DTNA: variants seen among roughly 807,000 people sequenced by gnomAD.
DTNA encodes dystrobrevin alpha, also known as dystrophin-related protein 3.
DTNA carries 43 observed loss-of-function variants against 100.7 expected under a neutral mutation model. That is an observed-to-expected ratio of 0.43 (90% CI 0.33 to 0.55). The LOEUF (loss-of-function observed/expected upper bound fraction) is 0.55, where lower values mean the gene tolerates loss of function less well. DTNA is among the 20% of genes least tolerant of loss of function. The pLI is 0.04. For missense variants in DTNA, 798 were observed against 953.9 expected, an observed-to-expected ratio of 0.84 and a Z score of 2.15; for synonymous variants, 349 against 347.9, an observed-to-expected ratio of 1.00 and a Z score of -0.04.
At chr18:34,643,716 CT>C (rs2059540100) in intron 1 of DTNA, among the ~76,000 whole-genome samples, 1 of 152,106 alleles carries the variant, frequency 6.6e-6, no homozygotes, top group African/African-American at 2.4e-5. Context: ...TAGAAACTGC[CT>C]TTTTTAAAAG....
intron 13 of DTNA, among the ~76,000 whole-genome samples, chr18:34,841,735 A>T (rs1268381079): frequency 6.6e-6 from 1 of 152,158 alleles, no homozygotes; most frequent in Non-Finnish European, 1.5e-5. Context: ...AGGTCTTATG[A>T]CACTGGTTCC....
intron 1 of DTNA, among the ~76,000 whole-genome samples, chr18:34,606,603 A>G (rs1481377862): frequency 1.3e-5 from 2 of 152,176 alleles, no homozygotes; most frequent in African/African-American, 4.8e-5. Context: ...AGACACATAC[A>G]TATGGTGATA....
At chr18:34,498,913 A>T (rs2039586060) in intron 1 of DTNA, among the ~76,000 whole-genome samples, 2 of 152,262 alleles carry the variant, frequency 1.3e-5, no homozygotes, top group Non-Finnish European at 2.9e-5. Flanking sequence ...TTTTAATTAA[A>T]CATTTTATTT....
In DTNA at chr18:34,890,010, A is replaced by G. The variant is rs966718605; in HGVS notation, c.*2276A>G. 2 of 1,230,120 alleles carry G rather than the reference A, an allele frequency of 1.6e-6. No individual in the cohort carries two copies. The highest frequency in any genetic ancestry group is 1.5e-5 in the African/African-American group (1 of 65,246). 76.2% of individuals were successfully genotyped at this position (1,230,120 alleles called of 1,614,324 possible). ...AGCTACCTATAATGCTGTCAGCTCA[A>G]AATCATAGCCAGGTAGTTCTTGAAC... On this transcript the variant is annotated 3_prime_UTR_variant, in exon 23 of 23. Coordinates refer to ENST00000444659, the MANE Select transcript of DTNA (RefSeq NM_001386795.1).
chr18:34,762,886 G>T (rs1433727141), intron 2 of DTNA, among the ~76,000 whole-genome samples: 1 of 152,184 alleles, frequency 6.6e-6, no homozygotes, highest in Non-Finnish European at 1.5e-5. Context: ...CGACAGGAGA[G>T]AGCAGTCAGT....
At chr18:34,760,279 T>A (rs2093055864) in intron 2 of DTNA, among the ~76,000 whole-genome samples, 1 of 152,098 alleles carries the variant, frequency 6.6e-6, no homozygotes, top group South Asian at 2.1e-4. Flanking sequence ...CCTAACATAG[T>A]CTCCTGCTTT....
chr18:34,561,752 A>G (rs1267721055), intron 1 of DTNA, among the ~76,000 whole-genome samples: 1 of 152,200 alleles, frequency 6.6e-6, no homozygotes, highest in Non-Finnish European at 1.5e-5. Flanking sequence ...GCATGTGCTT[A>G]CTACGTTAGA....
chr18:34,858,969 C>T (rs1315601199), intron 16 of DTNA, among the ~76,000 whole-genome samples: 1 of 152,148 alleles, frequency 6.6e-6, no homozygotes, highest in Non-Finnish European at 1.5e-5. Context: ...AAACATAGCT[C>T]TTTTTAGAAA....
intron 1 of DTNA, among the ~76,000 whole-genome samples, chr18:34,599,085 T>C (rs2051249145): frequency 6.6e-6 from 1 of 152,208 alleles, no homozygotes; most frequent in Admixed American, 6.5e-5. Flanking sequence ...GAGGCTTTGA[T>C]ACGCCAACTT....
intron 1 of DTNA, among the ~76,000 whole-genome samples, chr18:34,700,249 C>T (rs1455206420): frequency 1.3e-5 from 2 of 152,126 alleles, no homozygotes; most frequent in Admixed American, 1.3e-4. Flanking sequence ...GAAAAATATT[C>T]CTCCATTTGA....
chr18:34,778,404 T>C (rs2094160174), intron 3 of DTNA, among the ~76,000 whole-genome samples: 1 of 152,200 alleles, frequency 6.6e-6, no homozygotes, highest in African/African-American at 2.4e-5. Flanking sequence ...GCATATTTTA[T>C]CTTTTTCTAG....
chr18:34,810,851 C>T (rs1249104483), intron 5 of DTNA, among the ~76,000 whole-genome samples: 1 of 152,132 alleles, frequency 6.6e-6, no homozygotes, highest in Non-Finnish European at 1.5e-5. Flanking sequence ...AGAATCTCTA[C>T]AGTCTCATGG....
chr18:34,669,155 A>G (rs542673816), intron 1 of DTNA, among the ~76,000 whole-genome samples: 188 of 152,228 alleles, frequency 1.2e-3, no homozygotes, highest in Non-Finnish European at 2.3e-3. Flanking sequence ...ACTTCTTGTT[A>G]AATCGATACC....
intron 1 of DTNA, among the ~76,000 whole-genome samples, chr18:34,605,633 GCA>G (rs3078088): frequency 0.49 from 70,190 of 141,968 alleles, 17,235 homozygotes; most frequent in East Asian, 0.82. Context: ...TGCAACTCAG[GCA>G]CACACACACA....
At chr18:34,653,597 C>T (rs895612033) in intron 1 of DTNA, among the ~76,000 whole-genome samples, 5 of 151,896 alleles carry the variant, frequency 3.3e-5, no homozygotes, top group Admixed American at 6.6e-5. Context: ...CTGAGGTGGG[C>T]GGATCACTTG....
At chr18:34,820,720 A>T in intron 8 of DTNA, 71 bp from the exon 9 acceptor site, 2 of 1,605,056 alleles carry the variant, frequency 1.2e-6, no homozygotes, top group Non-Finnish European at 1.7e-6. Context: ...CTATTATGAA[A>T]AGCAAATCAT....
chr18:34,566,147 A>G (rs1448689381), intron 1 of DTNA, among the ~76,000 whole-genome samples: 2 of 152,222 alleles, frequency 1.3e-5, no homozygotes, highest in African/African-American at 4.8e-5. Flanking sequence ...TGAGAAGCGA[A>G]AAGAGTAAAG....
intron 1 of DTNA, among the ~76,000 whole-genome samples, chr18:34,581,783 C>T (rs2048674722): frequency 6.6e-6 from 1 of 152,012 alleles, no homozygotes; most frequent in African/African-American, 2.4e-5. Flanking sequence ...ACCACCATGC[C>T]CCGCTAATTT....
chr18:34,684,674 T>G (rs570014858), intron 1 of DTNA, among the ~76,000 whole-genome samples: 51 of 152,274 alleles, frequency 3.3e-4, no homozygotes, highest in African/African-American at 1.1e-3. Context: ...GTAATACGAT[T>G]GCTAGGTCAA....
Sources: gnomAD v4.1 joint callset for allele counts (sites outside exome capture counted in the v4.1 genomes callset) on GRCh38, gnomAD v4.1.1 for gene constraint, MANE v1.5 for transcripts, NCBI Gene and HGNC (gene_info 2026-07-23, HGNC 2026-07-21) for gene names.